Variants in ATG4A observed in about 807,000 individuals in gnomAD.
ATG4A encodes autophagy related 4A cysteine peptidase, also known as cysteine protease ATG4A.
In ATG4A, 22 loss-of-function variants were observed where a neutral mutation model predicts 38.4. The ratio of observed to expected loss-of-function variants is 0.57; its 90% CI spans 0.41 to 0.82. ATG4A has a LOEUF of 0.82. Among genes scored for constraint, ATG4A ranks in the 40% least tolerant of loss-of-function variants. The probability of loss-of-function intolerance (pLI) is 0.00; values close to 1 mark genes in which losing one functional copy is unlikely to be tolerated. For synonymous variants in ATG4A, 86 were observed against 100.7 expected, an observed-to-expected ratio of 0.85 and a Z score of 0.88; for missense variants, 220 against 290.0, an observed-to-expected ratio of 0.76 and a Z score of 1.75.
At chrX:108,089,824 ACT>A (rs1364031524), upstream of ATG4A, among the ~76,000 whole-genome samples, 1 of 111,637 alleles carries the variant, frequency 9.0e-6, no homozygotes, top group African/African-American at 3.3e-5. Flanking sequence ...CAAGAGCGAA[ACT>A]CTGTTTCAAA....
At chrX:108,149,790 A>T (rs2033536797) in intron 9 of ATG4A, among the ~76,000 whole-genome samples, 1 of 112,166 alleles carries the variant, frequency 8.9e-6, no homozygotes, top group South Asian at 3.7e-4. Flanking sequence ...AAGCTCCCTA[A>T]TGGTACCTGG....
intron 7 of ATG4A, 112 bp from the exon 8 acceptor site, chrX:108,137,692 G>C: frequency 1.3e-6 from 1 of 760,585 alleles, no homozygotes; most frequent in Non-Finnish European, 1.8e-6. Context: ...AGAGGAGAGG[G>C]CCTTCTAGGC....
rs202197774 is a variant in ATG4A at position 108,115,072 on chromosome X, G to A, written c.11-11005G>A. Among the ~76,000 whole-genome samples, 8 of 108,709 alleles carry A rather than the reference G, an allele frequency of 7.4e-5. No homozygotes were observed. In the East Asian group the frequency reaches 1.5e-3, roughly 20 times the overall value. 94.4% of individuals were successfully genotyped at this position (108,709 alleles called of 115,157 possible). On this transcript the variant is annotated intron_variant, in intron 1 of 12. Transcript: ENST00000372232. Reference sequence around the variant, plus strand: ...TAGATAATATCTGAGGCCCCTAACTGCTTGCATTTAGATTTGATGTGTATG... The same window carrying A: ...TAGATAATATCTGAGGCCCCTAACTACTTGCATTTAGATTTGATGTGTATG...
intron 1 of ATG4A, among the ~76,000 whole-genome samples, chrX:108,111,996 T>G (rs1397520822): frequency 9.0e-6 from 1 of 110,552 alleles, no homozygotes; most frequent in African/African-American, 3.3e-5. Flanking sequence ...TTTTAATAAT[T>G]TTTTAATTTT....
At chrX:108,141,071 CATATAT>C (rs139918190) in intron 9 of ATG4A, among the ~76,000 whole-genome samples, 2,031 of 34,945 alleles carry the variant, frequency 0.058, 69 homozygotes, top group Non-Finnish European at 0.063. Context: ...TATATATATA[CATATAT>C]ATATATATAT....
At chrX:108,146,737 A>C (rs1178746483) in intron 9 of ATG4A, among the ~76,000 whole-genome samples, 1 of 111,590 alleles carries the variant, frequency 9.0e-6, no homozygotes, top group African/African-American at 3.3e-5. Context: ...CAATCTCCCT[A>C]AGCCTTTGGA....
intron 9 of ATG4A, among the ~76,000 whole-genome samples, chrX:108,141,019 CACATATATAT>C (rs2033246335): frequency 1.3e-5 from 1 of 78,778 alleles, no homozygotes; most frequent in African/African-American, 5.3e-5. Flanking sequence ...CGTATATATA[CACATATATAT>C]ACATATATAC....
intron 1 of ATG4A, among the ~76,000 whole-genome samples, chrX:108,092,934 C>G (rs1220912695): frequency 3.6e-5 from 4 of 111,741 alleles, no homozygotes; most frequent in Non-Finnish European, 7.5e-5. Context: ...ATACTGATAT[C>G]AATTCATAAA....
intron 2 of ATG4A, among the ~76,000 whole-genome samples, chrX:108,127,415 C>T (rs2032827899): frequency 8.9e-6 from 1 of 111,865 alleles, no homozygotes; most frequent in African/African-American, 3.3e-5. Context: ...TAGTCACCAT[C>T]CAAGCACTTT....
At chrX:108,147,447 T>C (rs768215952) in intron 9 of ATG4A, among the ~76,000 whole-genome samples, 1 of 111,686 alleles carries the variant, frequency 9.0e-6, no homozygotes, top group East Asian at 2.8e-4. Flanking sequence ...ACTTTAACAG[T>C]AGACACCTGG....
intron 10 of ATG4A, among the ~76,000 whole-genome samples, 183 bp from the exon 11 acceptor site, chrX:108,151,619 G>C: frequency 8.9e-6 from 1 of 112,077 alleles, no homozygotes; most frequent in Middle Eastern, 4.6e-3. Context: ...AAGACTGAGA[G>C]AGTGATATGT....
intron 1 of ATG4A, among the ~76,000 whole-genome samples, chrX:108,121,153 G>T (rs1263578560): frequency 9.0e-6 from 1 of 111,616 alleles, no homozygotes; most frequent in Non-Finnish European, 1.9e-5. Context: ...ATGGGGCAAG[G>T]CCTGTGCACA....
intron 11 of ATG4A, 111 bp downstream of exon 11, chrX:108,151,969 C>T: frequency 1.4e-6 from 1 of 708,157 alleles, no homozygotes. Flanking sequence ...GACTTTACTG[C>T]AAGAGAAAGA....
chrX:108,109,761 C>A (rs766408210), intron 1 of ATG4A, among the ~76,000 whole-genome samples: 44 of 111,873 alleles, frequency 3.9e-4, no homozygotes, highest in Non-Finnish European at 7.3e-4. Context: ...GGTCTTGGCA[C>A]CCTGTTGAAG....
At chrX:108,120,970 C>T (rs2032633965) in intron 1 of ATG4A, among the ~76,000 whole-genome samples, 1 of 112,503 alleles carries the variant, frequency 8.9e-6, no homozygotes, top group Non-Finnish European at 1.9e-5. Flanking sequence ...ATGTCTTTTG[C>T]ATTATTTGAC....
In ATG4A at chrX:108,153,003, A is replaced by T. The variant is rs765697034; in HGVS notation, c.1042A>T (p.Met348Leu). The T allele has an allele frequency of 8.3e-7, 1 of 1,209,842 alleles. No homozygotes were observed. ...GGAAATTCTAAAGGAGAATTTAAGG[A>T]TGTTTGAATTAGTTCAGAAACATCC... The part of the protein sequence containing the change: ...QKEILKENLR[M>L]FELVQKHPSH... The change falls in exon 12 of 13, where the codon ATG becomes TTG. Residue 348 changes from methionine to leucine, a missense_variant. Physicochemically the swap from Met to Leu is conservative, Grantham distance 15. Around this residue, in one of 3 missense-constraint regions of ATG4A, gnomAD observed 159 missense variants for 188.9 expected, o/e 0.84. Transcript: ENST00000372232.
intron 1 of ATG4A, among the ~76,000 whole-genome samples, chrX:108,114,402 A>C (rs2032449130): frequency 8.9e-6 from 1 of 112,177 alleles, no homozygotes; most frequent in Non-Finnish European, 1.9e-5. Context: ...GTGACTTTGC[A>C]GTAAAAGGCA....
intron 6 of ATG4A, 70 bp downstream of exon 6, chrX:108,134,481 C>A: frequency 1.0e-6 from 1 of 967,922 alleles, no homozygotes; most frequent in Non-Finnish European, 1.4e-6. Flanking sequence ...ACAACTAAAC[C>A]TCCCATCAAC....
chrX:108,150,351 C>T, intron 10 of ATG4A, 54 bp downstream of exon 10: 4 of 1,186,064 alleles, frequency 3.4e-6, no homozygotes, highest in Non-Finnish European at 4.6e-6. Flanking sequence ...CAGATTGGTT[C>T]CCTGGGAGTT....
Sources: gnomAD v4.1 joint callset for allele counts (sites outside exome capture counted in the v4.1 genomes callset) on GRCh38, gnomAD v4.1.1 for gene constraint, gnomAD v4.1.1 regional missense constraint, MANE v1.5 for transcripts, NCBI Gene and HGNC (gene_info 2026-07-23, HGNC 2026-07-21) for gene names.